Variants in SLC22A15 observed in about 807,000 individuals in gnomAD.
SLC22A15 encodes the protein flipt 1.
In SLC22A15, 45 loss-of-function variants were observed where a neutral mutation model predicts 62.7. That is an observed-to-expected ratio of 0.72 (90% CI 0.56 to 0.92). The LOEUF is 0.92. Among genes scored for constraint, SLC22A15 ranks in the 40% least tolerant of loss-of-function variants. The pLI is 0.00. For synonymous variants in SLC22A15, 264 were observed against 267.0 expected, an observed-to-expected ratio of 0.99 and a Z score of 0.11; for missense variants, 622 against 665.6, an observed-to-expected ratio of 0.93 and a Z score of 0.72.
At chr1:116,023,244 G>A (rs1656927210) in intron 4 of SLC22A15, among the ~76,000 whole-genome samples, 1 of 152,112 alleles carries the variant, frequency 6.6e-6, no homozygotes, top group East Asian at 1.9e-4. Flanking sequence ...AGTTTGCATT[G>A]TAGTACTTAA....
chr1:116,019,720 C>G lies in SLC22A15; in HGVS notation c.433+6C>G. On this transcript the variant is annotated splice_donor_region_variant and intron_variant, in intron 3 of 11. Coordinates refer to ENST00000369503, the MANE Select transcript of SLC22A15 (RefSeq NM_018420.3). ...GAAAAAAGTCTATCTCACAGGTAAT[C>G]TATTAGAGTATTCATAAACTGGATG... 6.9e-6 allele frequency: 11 copies of G among 1,603,508 alleles called. No homozygotes were observed. Among genetic ancestry groups the G allele is most frequent in the East Asian group, 2.2e-5 (1 of 44,838 alleles).
At chr1:116,042,213 T>C (rs1031349904) in intron 8 of SLC22A15, among the ~76,000 whole-genome samples, 1 of 150,598 alleles carries the variant, frequency 6.6e-6, no homozygotes, top group Non-Finnish European at 1.5e-5. Context: ...AAACCAAAAA[T>C]GCACAGATGA....
At chr1:116,048,656 A>G (rs773538707) in intron 8 of SLC22A15, among the ~76,000 whole-genome samples, 1 of 152,228 alleles carries the variant, frequency 6.6e-6, no homozygotes, top group Non-Finnish European at 1.5e-5. Context: ...CACAGGACCT[A>G]TAAAACAAAA....
chr1:115,985,407 C>T (rs968531810), intron 1 of SLC22A15, among the ~76,000 whole-genome samples: 16 of 152,096 alleles, frequency 1.1e-4, no homozygotes, highest in Admixed American at 1.0e-3. Context: ...GATGGACTCG[C>T]CTAAGGACAC....
intron 1 of SLC22A15, among the ~76,000 whole-genome samples, chr1:115,978,301 TA>T (rs1167302409): frequency 6.6e-6 from 1 of 152,210 alleles, no homozygotes; most frequent in Non-Finnish European, 1.5e-5. Context: ...AGTGAGGTTC[TA>T]AAAAGGCCAG....
intron 2 of SLC22A15, among the ~76,000 whole-genome samples, chr1:115,998,931 C>T (rs1256358452): frequency 2.6e-5 from 4 of 152,028 alleles, no homozygotes; most frequent in Non-Finnish European, 4.4e-5. Context: ...AGTAAACTCT[C>T]CTCTTATTAC....
chr1:115,986,711 C>A (rs1293079278), intron 1 of SLC22A15, among the ~76,000 whole-genome samples: 2 of 152,172 alleles, frequency 1.3e-5, no homozygotes, highest in African/African-American at 4.8e-5. Context: ...CCACCCCAGA[C>A]TTAGGGAGTC....
intron 1 of SLC22A15, among the ~76,000 whole-genome samples, chr1:115,986,717 G>A (rs189353185): frequency 2.0e-5 from 3 of 152,310 alleles, no homozygotes; most frequent in African/African-American, 7.2e-5. Flanking sequence ...CAGACTTAGG[G>A]AGTCACATTA....
At chr1:116,066,799 A>T (rs1331332947) in intron 11 of SLC22A15, 91 bp downstream of exon 11, 2 of 1,279,074 alleles carry the variant, frequency 1.6e-6, no homozygotes, top group Non-Finnish European at 2.1e-6. Flanking sequence ...GAACTGAGTA[A>T]AACTGCTGGA....
intron 8 of SLC22A15, among the ~76,000 whole-genome samples, chr1:116,052,768 G>A (rs539939677): frequency 1.3e-5 from 2 of 152,182 alleles, no homozygotes; most frequent in African/African-American, 2.4e-5. Context: ...CTGTTCTGCA[G>A]ACACCACTGC....
intron 6 of SLC22A15, chr1:116,032,156 CT>C (rs1000299795): frequency 1.0e-6 from 1 of 985,290 alleles, no homozygotes; most frequent in Admixed American, 6.1e-5. Context: ...CTGATGAGCA[CT>C]TTCTGAACCT....
chr1:115,986,333 TAGC>T (rs1654863520), intron 1 of SLC22A15, among the ~76,000 whole-genome samples: 1 of 152,118 alleles, frequency 6.6e-6, no homozygotes, highest in South Asian at 2.1e-4. Flanking sequence ...TAGAGGGAAA[TAGC>T]AGTATAAATT....
At chr1:116,047,430 AAAC>A (rs1355352984) in intron 8 of SLC22A15, among the ~76,000 whole-genome samples, 4 of 152,192 alleles carry the variant, frequency 2.6e-5, no homozygotes, top group South Asian at 2.1e-4. Context: ...CCGTCTCAAA[AAAC>A]AAACAAAAAT....
At position 116,002,302 on chromosome 1, in the gene SLC22A15, A is replaced by G. The variant is rs551618235; in HGVS notation, c.300+10059A>G. On this transcript the variant is annotated intron_variant, in intron 2 of 11. Transcript: ENST00000369503. ...GTACTGGGTCACACATGAAGTTGGC[A>G]TAGTACCAGGTCCTGCCCAAGGCCT... Among the ~76,000 whole-genome samples the G allele has an allele frequency of 6.6e-5, 10 of 152,306 alleles. No homozygotes were observed. In the East Asian group the frequency reaches 1.7e-3, roughly 27 times the overall value.
intron 2 of SLC22A15, among the ~76,000 whole-genome samples, chr1:116,014,450 GAAC>G (rs1318152919): frequency 6.6e-6 from 1 of 152,078 alleles, no homozygotes; most frequent in Non-Finnish European, 1.5e-5. Context: ...TAGTGTATAA[GAAC>G]AAAAATACAG....
intron 6 of SLC22A15, among the ~76,000 whole-genome samples, 175 bp from the exon 7 acceptor site, chr1:116,035,012 A>C (rs756405340): frequency 3.3e-5 from 5 of 152,062 alleles, no homozygotes; most frequent in Non-Finnish European, 5.9e-5. Context: ...GTTTTTTCCT[A>C]GTGTTGAAAT....
intron 6 of SLC22A15, among the ~76,000 whole-genome samples, chr1:116,034,754 T>C (rs1657570532): frequency 6.6e-6 from 1 of 152,208 alleles, no homozygotes; most frequent in East Asian, 1.9e-4. Flanking sequence ...CTTAAGGCCA[T>C]CTTCTGTTGG....
chr1:116,038,264 G>A (rs992672775), intron 8 of SLC22A15, among the ~76,000 whole-genome samples: 7 of 152,154 alleles, frequency 4.6e-5, no homozygotes, highest in South Asian at 2.1e-4. Context: ...ACGATTTGAC[G>A]TAAAGTTTTG....
chr1:116,022,998 A>G (rs1268753872), intron 4 of SLC22A15, among the ~76,000 whole-genome samples: 1 of 152,086 alleles, frequency 6.6e-6, no homozygotes, highest in Non-Finnish European at 1.5e-5. Context: ...ATTTCTTTCC[A>G]GAATGATTTT....
Sources: gnomAD v4.1 joint callset for allele counts (sites outside exome capture counted in the v4.1 genomes callset) on GRCh38, gnomAD v4.1.1 for gene constraint, MANE v1.5 for transcripts, NCBI Gene and HGNC (gene_info 2026-07-23, HGNC 2026-07-21) for gene names.